SPEF2: variants seen among roughly 807,000 people sequenced by gnomAD.
SPEF2 encodes the protein sperm flagellar and cilia associated 2.
In SPEF2, 187 loss-of-function variants were observed where a neutral mutation model predicts 224.6. That is an observed-to-expected ratio of 0.83 (90% confidence interval 0.74 to 0.94). The LOEUF (loss-of-function observed/expected upper bound fraction) is 0.94. Among genes scored for constraint, SPEF2 ranks in the 40% least tolerant of loss-of-function variants. The pLI, the probability that SPEF2 is intolerant of heterozygous loss-of-function variation, is 0.00. For missense variants in SPEF2, 2,170 were observed against 2,135.6 expected (o/e 1.02, Z -0.32); for synonymous variants, 715 against 707.3 (o/e 1.01, Z -0.17).
chr5:35,755,524 A>G (rs1750305764), intron 24 of SPEF2, among the ~76,000 whole-genome samples: 2 of 152,230 alleles, frequency 1.3e-5, no homozygotes. Flanking sequence ...AACAAGGAAT[A>G]AAGAGGAAAA....
At chr5:35,637,909 C>A (rs1171288214) in intron 2 of SPEF2, among the ~76,000 whole-genome samples, 1 of 152,098 alleles carries the variant, frequency 6.6e-6, no homozygotes, top group African/African-American at 2.4e-5. Context: ...CTCAGGAGTT[C>A]TTATACATAT....
intron 10 of SPEF2, among the ~76,000 whole-genome samples, chr5:35,671,957 A>G (rs1751261917): frequency 6.6e-6 from 1 of 151,900 alleles, no homozygotes; most frequent in Non-Finnish European, 1.5e-5. Flanking sequence ...AGGTTTTAGG[A>G]TATACTGTAA....
At chr5:35,713,472 A>C (rs1384733900) in intron 20 of SPEF2, among the ~76,000 whole-genome samples, 1 of 151,938 alleles carries the variant, frequency 6.6e-6, no homozygotes, top group African/African-American at 2.4e-5. Context: ...GCAGTGGCTC[A>C]TGCCTGTAAT....
At chr5:35,629,142 C>A (rs1400733768) in intron 2 of SPEF2, among the ~76,000 whole-genome samples, 1 of 134,168 alleles carries the variant, frequency 7.5e-6, no homozygotes, top group South Asian at 2.4e-4. Context: ...TTTTGTTAAT[C>A]GATTGTTCCT....
chr5:35,718,030 G>T (rs1274502620), intron 20 of SPEF2, among the ~76,000 whole-genome samples: 1 of 152,164 alleles, frequency 6.6e-6, no homozygotes, highest in Non-Finnish European at 1.5e-5. Context: ...ATGGCCTGAA[G>T]GCAAGAGCAG....
chr5:35,720,210 A>G (rs1743367413), intron 20 of SPEF2, among the ~76,000 whole-genome samples: 2 of 152,220 alleles, frequency 1.3e-5, no homozygotes, highest in Admixed American at 1.3e-4. Flanking sequence ...ACATGCTCCA[A>G]ATTTTGATCA....
At chr5:35,661,112 T>C (rs1022635509) in intron 8 of SPEF2, among the ~76,000 whole-genome samples, 2 of 151,812 alleles carry the variant, frequency 1.3e-5, no homozygotes, top group Non-Finnish European at 2.9e-5. Flanking sequence ...AATCAATAAA[T>C]GTTGAATTCA....
chr5:35,746,626 A>C (rs921141829), intron 23 of SPEF2, among the ~76,000 whole-genome samples: 2 of 152,150 alleles, frequency 1.3e-5, no homozygotes, highest in Non-Finnish European at 2.9e-5. Context: ...AGACAATGAA[A>C]AAAGAAAAAG....
At chr5:35,659,913 G>A (rs777690735) in intron 8 of SPEF2, among the ~76,000 whole-genome samples, 7 of 151,328 alleles carry the variant, frequency 4.6e-5, no homozygotes, top group South Asian at 2.1e-4. Flanking sequence ...AAAAAAAAGA[G>A]ATTCCTCAGG....
chr5:35,659,098 T>G lies in SPEF2; in HGVS notation c.1058T>G (p.Met353Arg), dbSNP rs760413582. ...GAGCGCAGGATTGCCGTGCAGCTCA[T>G]GCATGTTCGGCATGAAAAGGAAGTT... ...QQERRIAVQL[M>R]HVRHEKEVLW... The change falls in exon 8 of 37, where the codon ATG becomes AGG. Residue 353 changes from methionine to arginine, a missense_variant. Met to Arg is a moderately conservative substitution (Grantham distance 91). Coordinates refer to ENST00000356031, the MANE Select transcript of SPEF2 (RefSeq NM_024867.4). 1 of 1,613,430 alleles carries G rather than the reference T, an allele frequency of 6.2e-7. No homozygotes were observed. The highest frequency in any genetic ancestry group is 8.5e-7 in the Non-Finnish European group (1 of 1,179,620).
At position 35,641,781 on chromosome 5, in the gene SPEF2, A is replaced by G. The variant is rs973456700; in HGVS notation, c.414+98A>G. On this transcript the variant is annotated intron_variant, in intron 3 of 36. Transcript: ENST00000356031. The stretch of plus-strand genomic sequence containing the variant: ...AATTCTCAAAGAAGCCTCATTAGGC[A>G]TATATATCCTTTATGTATGTTACTG... 6 of 1,285,900 alleles carry G rather than the reference A, an allele frequency of 4.7e-6. No individual in the cohort carries two copies. The Admixed American group carries it at 7.2e-5, about 15-fold the overall frequency. The allele number at this position is 1,285,900 out of a possible 1,614,324, so 79.7% of individuals were successfully genotyped here.
At position 35,707,571 on chromosome 5, in the gene SPEF2, C is replaced by T. The variant is rs566894792; in HGVS notation, c.2666-1377C>T. ...GTCATGCAAGAACATAGGCAATCGT[C>T]GCCAGTGGTACATTGAGTAGAGCTG... On this transcript the variant is annotated intron_variant, in intron 18 of 36. Coordinates refer to ENST00000356031, the MANE Select transcript of SPEF2 (RefSeq NM_024867.4). Among the ~76,000 whole-genome samples the T allele has an allele frequency of 7.2e-5, 11 of 152,224 alleles. No individual in the cohort carries two copies. In the South Asian group the frequency reaches 1.0e-3, roughly 14 times the overall value.
intron 21 of SPEF2, among the ~76,000 whole-genome samples, chr5:35,735,852 CTCA>C (rs561151431): frequency 1.1e-3 from 161 of 152,304 alleles, no homozygotes; most frequent in African/African-American, 3.8e-3. Flanking sequence ...GGAGAAATAA[CTCA>C]TCATCACACT....
At chr5:35,765,716 T>C (rs1752001116) in intron 26 of SPEF2, among the ~76,000 whole-genome samples, 2 of 152,162 alleles carry the variant, frequency 1.3e-5, no homozygotes, top group African/African-American at 4.8e-5. Flanking sequence ...TTTTCATAAC[T>C]TTTTGCCTTT....
chr5:35,748,997 G>GTT (rs1748992453), intron 23 of SPEF2, among the ~76,000 whole-genome samples: 1 of 152,086 alleles, frequency 6.6e-6, no homozygotes, highest in African/African-American at 2.4e-5. Context: ...GATCAAGTGG[G>GTT]TTTTATACCA....
At chr5:35,778,038 A>G (rs1022871429) in intron 29 of SPEF2, among the ~76,000 whole-genome samples, 1 of 152,188 alleles carries the variant, frequency 6.6e-6, no homozygotes, top group Non-Finnish European at 1.5e-5. Context: ...ACACTTACAA[A>G]GACAACATTC....
intron 9 of SPEF2, among the ~76,000 whole-genome samples, chr5:35,668,125 A>G (rs1363731499): frequency 6.6e-6 from 1 of 152,170 alleles, no homozygotes; most frequent in African/African-American, 2.4e-5. Context: ...CAGAATATGC[A>G]ACTCCCACAC....
Position 35,692,588 on chromosome 5 carries a change from T to C in SPEF2, c.1763T>C (p.Leu588Pro), listed in dbSNP as rs771988069. Residue 588 changes from leucine to proline, a missense_variant, in exon 12 of 37, where the codon CTT becomes CCT. Physicochemically the swap from Leu to Pro is moderately conservative, Grantham distance 98. Transcript: ENST00000356031. ...SLQKDFPIQILSIDTLVQEAI... is the reference protein window; with the variant it reads ...SLQKDFPIQIPSIDTLVQEAI... ...ACTTTAGACTTTCCTATACAGATAC[T>C]TTCTATTGACACTCTTGTCCAAGAA... The C allele has an allele frequency of 8.7e-6, 14 of 1,611,570 alleles. No individual in the cohort carries two copies. The highest frequency in any genetic ancestry group is 1.0e-5 in the Non-Finnish European group (12 of 1,178,768).
intron 30 of SPEF2, chr5:35,788,163 C>T (rs1039017670): frequency 1.4e-6 from 1 of 702,940 alleles, no homozygotes; most frequent in Non-Finnish European, 2.6e-6. Flanking sequence ...TTAATGGAAG[C>T]AACAAGTAGC....
Sources: gnomAD v4.1 joint callset for allele counts (sites outside exome capture counted in the v4.1 genomes callset) on GRCh38, gnomAD v4.1.1 for gene constraint, MANE v1.5 for transcripts, NCBI Gene and HGNC (gene_info 2026-07-23, HGNC 2026-07-21) for gene names.